TMEM165: variants seen among roughly 807,000 people sequenced by gnomAD.
TMEM165 encodes the protein transmembrane protein 165.
TMEM165 carries 19 observed loss-of-function variants against 30.0 expected under a neutral mutation model. The observed-to-expected ratio is 0.63, with a 90% confidence interval of 0.44 to 0.93. The LOEUF (loss-of-function observed/expected upper bound fraction) is 0.93, where lower values mean the gene tolerates loss of function less well. Ranked by LOEUF, TMEM165 falls within the 40% of genes least tolerant of loss-of-function variation. The pLI, the probability that TMEM165 is intolerant of heterozygous loss-of-function variation, is 0.00. For missense variants in TMEM165, 340 were observed against 417.0 expected, an observed-to-expected ratio of 0.82 and a Z score of 1.61; for synonymous variants, 168 against 162.9, an observed-to-expected ratio of 1.03 and a Z score of -0.24.
chr4:55,444,826 A>C (rs1553890566), intron 3 of TMEM165: 1 of 1,591,044 alleles, frequency 6.3e-7, no homozygotes, highest in Non-Finnish European at 8.6e-7. Flanking sequence ...ATATTTTAGA[A>C]TTACTTACTC....
At chr4:55,448,772 A>C (rs1383282622) in intron 3 of TMEM165, 1 of 1,612,350 alleles carries the variant, frequency 6.2e-7, no homozygotes, top group Non-Finnish European at 8.5e-7. Flanking sequence ...CAAAAACCAA[A>C]AAGTACCTGG....
At chr4:55,430,758 C>G (rs536603494), downstream of TMEM165, 1 of 152,156 alleles carries the variant, frequency 6.6e-6, no homozygotes, top group Non-Finnish European at 1.5e-5. Context: ...TAGATTAGTT[C>G]TGTACATCTA....
chr4:55,434,319 T>A (rs1722722833), intron 3 of TMEM165: 1 of 152,604 alleles, frequency 6.6e-6, no homozygotes, highest in Non-Finnish European at 1.5e-5. Context: ...AAGTTAAAAT[T>A]CCCATGATTG....
chr4:55,422,171 C>T (rs1224713701), intron 4 of TMEM165, among the ~76,000 whole-genome samples: 1 of 152,174 alleles, frequency 6.6e-6, no homozygotes, highest in East Asian at 1.9e-4. Flanking sequence ...TCCTGTGGAC[C>T]CTTCTTTCTC....
chr4:55,411,889 T>C (rs748620548), intron 2 of TMEM165, 50 bp downstream of exon 2: 88 of 1,566,460 alleles, frequency 5.6e-5, no homozygotes, highest in Non-Finnish European at 7.4e-5. Context: ...AGGGAAAGCG[T>C]GTTGTGTGAC....
chr4:55,435,196 C>T (rs981601715), intron 3 of TMEM165: 3 of 569,080 alleles, frequency 5.3e-6, no homozygotes, highest in African/African-American at 1.9e-5. Flanking sequence ...ACTGTCAGAA[C>T]TGGCTATGCC....
At chr4:55,444,876 GAGTGAAGGATGATAACATCC>G in intron 3 of TMEM165, 1 of 1,309,302 alleles carries the variant, frequency 7.6e-7, no homozygotes, top group East Asian at 2.5e-5. Flanking sequence ...AGTATAACAT[GAGTGAAGGATGATAACATCC>G]TTCACTAGTT....
rs1720727471 is a variant in TMEM165 at position 55,396,401 on chromosome 4, GCGGGC to G, written c.207+10_207+14del. The G allele has an allele frequency of 1.4e-6, 2 of 1,474,824 alleles. No homozygotes were observed. Among genetic ancestry groups the G allele is most frequent in the Admixed American group, 4.8e-5 (2 of 41,824 alleles). The allele number at this position is 1,474,824 out of a possible 1,614,324, so 91.4% of individuals were successfully genotyped here. A position where few individuals can be genotyped will look rare whatever the true frequency, so the allele number is the denominator to read the frequency against. ...CCCGAGCCGGCCCGGGTCGAGGTGA[GCGGGC>G]CGGGATGGGGCGAGCGAGGCTGCAG... On this transcript the variant is annotated splice_donor_region_variant and intron_variant, in intron 1 of 5. Coordinates refer to ENST00000381334, the MANE Select transcript of TMEM165 (RefSeq NM_018475.5).
At chr4:55,443,843 A>C in intron 3 of TMEM165, 1 of 1,613,814 alleles carries the variant, frequency 6.2e-7, no homozygotes, top group Non-Finnish European at 8.5e-7. Context: ...AATTTCCAGA[A>C]GAAAGTTGAA....
At position 55,425,361 on chromosome 4, in the gene TMEM165, T is replaced by TC; in HGVS notation, c.899-15_899-14insC. 6.2e-7 allele frequency: 1 copy of TC among 1,605,228 alleles called. No individual in the cohort carries two copies. The highest frequency in any genetic ancestry group is 8.5e-7 in the Non-Finnish European group (1 of 1,173,480). On this transcript the variant is annotated splice_polypyrimidine_tract_variant and intron_variant, in intron 5 of 5. Coordinates refer to ENST00000381334, the MANE Select transcript of TMEM165 (RefSeq NM_018475.5). ...GGAATTTTACTGTATTTGACTTTTT[T>TC]TCTCTCTCTTCCAGTGACAATCATA...
chr4:55,444,873 CAT>C lies in TMEM165; in HGVS notation c.409-7365_409-7364del, dbSNP rs1392006006. On this transcript the variant is annotated intron_variant, in intron 3 of 3. Coordinates refer to the TMEM165 transcript ENST00000608091. ...ACAACATGAAAAGTAAGCAGTATAA[CAT>C]GAGTGAAGGATGATAACATCCTTCA... The C allele has an allele frequency of 3.0e-6, 4 of 1,345,148 alleles. No individual in the cohort carries two copies. The African/African-American group carries it at 5.8e-5, about 19-fold the overall frequency. The allele number at this position is 1,345,148 out of a possible 1,614,324, so 83.3% of individuals were successfully genotyped here. A position where few individuals can be genotyped will look rare whatever the true frequency, so the allele number is the denominator to read the frequency against.
At position 55,396,168 on chromosome 4, in the gene TMEM165, C is replaced by G; in HGVS notation, c.-22C>G. The stretch of plus-strand genomic sequence containing the variant: ...GGCACTTCCTCTTGCGGCGCCCGTG[C>G]GCGGCCGGCCCGGCAGGCGGGATGG... On this transcript the variant is annotated 5_prime_UTR_variant, in exon 1 of 6. Transcript: ENST00000381334. 7.4e-7 allele frequency: 1 copy of G among 1,347,302 alleles called. No individual in the cohort carries two copies. The highest frequency in any genetic ancestry group is 2.0e-5 in the South Asian group (1 of 50,032). The allele number at this position is 1,347,302 out of a possible 1,614,324, so 83.5% of individuals were successfully genotyped here. A position where few individuals can be genotyped will look rare whatever the true frequency, so the allele number is the denominator to read the frequency against.
chr4:55,403,371 G>A (rs757172212), intron 1 of TMEM165: 2 of 1,100,988 alleles, frequency 1.8e-6, no homozygotes, highest in Non-Finnish European at 2.3e-6. Context: ...AGTCACATTT[G>A]TGTTTATTTG....
At position 55,425,510 on chromosome 4, in the gene TMEM165, T is replaced by G; in HGVS notation, c.*58T>G. 3 of 1,285,566 alleles carry G rather than the reference T, an allele frequency of 2.3e-6. No homozygotes were observed. Among genetic ancestry groups the G allele is most frequent in the Non-Finnish European group, 3.4e-6 (3 of 889,228 alleles). 79.6% of individuals were successfully genotyped at this position (1,285,566 alleles called of 1,614,324 possible). A position where few individuals can be genotyped will look rare whatever the true frequency, so the allele number is the denominator to read the frequency against. ...ATAGGTAGTATTATCTTTCTGTACA[T>G]AGTGTACATTACAACTAAAAGTGAT... is the stretch of plus-strand genomic sequence containing the variant. On this transcript the variant is annotated 3_prime_UTR_variant, in exon 6 of 6. Coordinates refer to ENST00000381334, the MANE Select transcript of TMEM165 (RefSeq NM_018475.5).
downstream of TMEM165, among the ~76,000 whole-genome samples, chr4:55,426,623 A>G (rs10049561): frequency 0.46 from 70,343 of 152,086 alleles, 17,779 homozygotes; most frequent in East Asian, 0.88. Flanking sequence ...TTGAAGGACA[A>G]TTCTACAGAA....
intron 2 of TMEM165, among the ~76,000 whole-genome samples, chr4:55,414,609 C>T (rs1173181215): frequency 6.6e-6 from 1 of 152,208 alleles, no homozygotes; most frequent in Non-Finnish European, 1.5e-5. Flanking sequence ...CCCCTTGCCC[C>T]TGACCCCTCA....
intron 3 of TMEM165, among the ~76,000 whole-genome samples, chr4:55,440,981 C>CAA (rs1214995198): frequency 7.0e-6 from 1 of 142,022 alleles, no homozygotes. Context: ...CAAAACAAAA[C>CAA]AAAACACAAC....
intron 5 of TMEM165, 150 bp downstream of exon 5, chr4:55,424,793 T>C: frequency 1.7e-6 from 1 of 587,346 alleles, no homozygotes; most frequent in Non-Finnish European, 3.0e-6. Context: ...AATCCTGGTA[T>C]TGCAAATACG....
intron 3 of TMEM165, chr4:55,435,399 A>G: frequency 6.2e-7 from 1 of 1,612,918 alleles, no homozygotes; most frequent in South Asian, 1.1e-5. Flanking sequence ...TGATGTCAAG[A>G]GAGGAAGCAC....
Sources: gnomAD v4.1 joint callset for allele counts (sites outside exome capture counted in the v4.1 genomes callset) on GRCh38, gnomAD v4.1.1 for gene constraint, MANE v1.5 for transcripts, NCBI Gene and HGNC (gene_info 2026-07-23, HGNC 2026-07-21) for gene names.